ZFP69: variants seen among roughly 807,000 people sequenced by gnomAD.
The protein encoded by ZFP69 is ZFP69 zinc finger protein.
ZFP69 carries 35 observed loss-of-function variants against 48.9 expected under a neutral mutation model. The ratio of observed to expected loss-of-function variants is 0.72; its 90% CI spans 0.55 to 0.95. The LOEUF (loss-of-function observed/expected upper bound fraction) is 0.95, where lower values mean the gene tolerates loss of function less well. ZFP69 is among the 40% of genes least tolerant of loss of function. The pLI is 0.00. For synonymous variants in ZFP69, 193 were observed against 216.8 expected (o/e 0.89, Z 0.96); for missense variants, 557 against 638.4 (o/e 0.87, Z 1.37).
intron 5 of ZFP69, among the ~76,000 whole-genome samples, chr1:40,493,898 T>G (rs1254584676): frequency 6.6e-6 from 1 of 152,198 alleles, no homozygotes; most frequent in African/African-American, 2.4e-5. Context: ...AAAGGGTATT[T>G]TCCTAGAACC....
At chr1:40,488,521 CT>C (rs1312538355) in intron 3 of ZFP69, among the ~76,000 whole-genome samples, 1 of 152,322 alleles carries the variant, frequency 6.6e-6, no homozygotes, top group East Asian at 1.9e-4. Flanking sequence ...GGGGGAACCC[CT>C]ATCCCACCCT....
intron 3 of ZFP69, among the ~76,000 whole-genome samples, chr1:40,484,909 T>TTTTTTG (rs1645480184): frequency 7.7e-6 from 1 of 130,092 alleles, no homozygotes; most frequent in Admixed American, 8.0e-5. Flanking sequence ...TTTTTTTTTT[T>TTTTTTG]GATATGGAGT....
rs1645423305 is a variant in ZFP69, at chr1:40,479,483, GAGA to G, written c.125_127del (p.Glu42del). On this transcript the variant is annotated inframe_deletion and splice_region_variant, in exon 2 of 6. Transcript: ENST00000372706. Reference sequence around the variant, plus strand: ...GAGGATGTGACTAAAATGTTTGAAGGAGAAGGTGAGAATGGACTGATGGAGGGG... The same window carrying G: ...GAGGATGTGACTAAAATGTTTGAAGGAGGTGAGAATGGACTGATGGAGGGG... 1 of 1,612,580 alleles carries G rather than the reference GAGA, an allele frequency of 6.2e-7. No individual in the cohort carries two copies. The highest frequency in any genetic ancestry group is 1.1e-5 in the South Asian group (1 of 90,910).
intron 5 of ZFP69, among the ~76,000 whole-genome samples, chr1:40,492,827 AGATT>A (rs1464177020): frequency 1.3e-5 from 2 of 152,146 alleles, no homozygotes; most frequent in Admixed American, 6.5e-5. Flanking sequence ...ATTTTTTGTT[AGATT>A]GATTCTGAAA....
intron 3 of ZFP69, among the ~76,000 whole-genome samples, chr1:40,483,370 C>T (rs1430037550): frequency 1.3e-5 from 2 of 151,736 alleles, no homozygotes; most frequent in Non-Finnish European, 2.9e-5. Flanking sequence ...GCTAGGACTA[C>T]AGGAACATGC....
At chr1:40,488,979 C>T in intron 3 of ZFP69, 109 bp from the exon 4 acceptor site, 2 of 1,375,530 alleles carry the variant, frequency 1.5e-6, no homozygotes, top group South Asian at 1.2e-5. Flanking sequence ...AGAGAAGGCT[C>T]CTGATAAAAG....
intron 3 of ZFP69, among the ~76,000 whole-genome samples, chr1:40,484,353 C>T (rs1470223254): frequency 6.6e-6 from 1 of 151,926 alleles, no homozygotes; most frequent in Non-Finnish European, 1.5e-5. Context: ...GTGCCTGCCA[C>T]CACACCTGGC....
At chr1:40,481,650 C>G (rs535624080) in intron 2 of ZFP69, 113 bp from the exon 3 acceptor site, 1 of 745,118 alleles carries the variant, frequency 1.3e-6, no homozygotes, top group Non-Finnish European at 2.2e-6. Context: ...CTCTCAGTGT[C>G]CCTCTTTGTG....
At chr1:40,480,466 T>G (rs572665456) in intron 2 of ZFP69, among the ~76,000 whole-genome samples, 6 of 147,368 alleles carry the variant, frequency 4.1e-5, no homozygotes, top group Admixed American at 1.4e-4. Flanking sequence ...TTGATAGCAG[T>G]TTTTTTTTTA....
chr1:40,482,807 T>C (rs7547819), intron 3 of ZFP69, among the ~76,000 whole-genome samples: 57,775 of 151,966 alleles, frequency 0.38, 11,527 homozygotes, highest in South Asian at 0.52. Context: ...TAAGTGTTTA[T>C]ACATGTGATG....
intron 5 of ZFP69, chr1:40,493,435 CAA>C (rs1009869692): frequency 1.3e-5 from 2 of 152,066 alleles, no homozygotes; most frequent in Admixed American, 6.6e-5. Context: ...GATGAAATCT[CAA>C]AGAGTTCCAT....
intron 5 of ZFP69, chr1:40,490,921 C>T (rs1557552667): frequency 6.6e-6 from 1 of 152,304 alleles, no homozygotes; most frequent in East Asian, 1.9e-4. Flanking sequence ...AACATTATAA[C>T]ACATTTCTGT....
intron 5 of ZFP69, among the ~76,000 whole-genome samples, chr1:40,494,256 A>T (rs142381528): frequency 0.13 from 7,015 of 52,508 alleles, 757 homozygotes; most frequent in Middle Eastern, 0.27. Flanking sequence ...AAGATTCAAA[A>T]TTTTTTTTTT....
At chr1:40,493,453 A>T (rs1645589846) in intron 5 of ZFP69, 1 of 152,148 alleles carries the variant, frequency 6.6e-6, no homozygotes, top group Admixed American at 6.5e-5. Flanking sequence ...TCCATTGATG[A>T]TCCCGTTCCT....
intron 3 of ZFP69, among the ~76,000 whole-genome samples, chr1:40,486,361 T>G (rs1361372812): frequency 6.6e-6 from 1 of 151,994 alleles, no homozygotes. Context: ...TCTTCTGAGA[T>G]TGCTCTTTCT....
intron 3 of ZFP69, among the ~76,000 whole-genome samples, chr1:40,485,450 G>A (rs1645487112): frequency 1.3e-5 from 2 of 151,874 alleles, no homozygotes; most frequent in South Asian, 4.2e-4. Flanking sequence ...TGTTTTACAT[G>A]TAAAAACACC....
In ZFP69 at chr1:40,485,644, A is replaced by G. The variant is rs190884093; in HGVS notation, c.220-3444A>G. On this transcript the variant is annotated intron_variant, in intron 3 of 5. Transcript: ENST00000372706. ...CCCTTCAGCTTAAAGAACTTTGTTTAGCATTTCTTATAATGTGGGTGTTCT... is the reference window on the plus strand; with the variant it reads ...CCCTTCAGCTTAAAGAACTTTGTTTGGCATTTCTTATAATGTGGGTGTTCT... Among the ~76,000 whole-genome samples the G allele has an allele frequency of 3.2e-3, 481 of 152,212 alleles. 3 individuals are homozygous for G. The highest frequency in any genetic ancestry group is 3.6e-3 in the Non-Finnish European group (247 of 68,016).
Position 40,479,384 on chromosome 1 carries a change from C to T in ZFP69, c.23C>T (p.Thr8Ile), listed in dbSNP as rs1356522109. The change falls in exon 2 of 6, where the codon ACC becomes ATC. Residue 8 changes from threonine to isoleucine, a missense_variant. By Grantham distance (89) the Thr-to-Ile change is moderately conservative. Transcript: ENST00000372706. MPQQLLI[T>I]LPTEASTWVK... ...ATCATGCCACAGCAGCTCCTGATCA[C>T]CCTGCCTACCGAGGCCAGCACCTGG... 1.2e-6 allele frequency: 2 copies of T among 1,613,912 alleles called. No individual in the cohort carries two copies. The highest frequency in any genetic ancestry group is 2.7e-5 in the African/African-American group (2 of 74,928).
intron 5 of ZFP69, chr1:40,493,310 T>C (rs1645588400): frequency 6.6e-6 from 1 of 152,180 alleles, no homozygotes; most frequent in African/African-American, 2.4e-5. Flanking sequence ...CCACCTTGTT[T>C]TACTCTTATT....
Sources: gnomAD v4.1 joint callset for allele counts (sites outside exome capture counted in the v4.1 genomes callset) on GRCh38, gnomAD v4.1.1 for gene constraint, MANE v1.5 for transcripts, NCBI Gene and HGNC (gene_info 2026-07-23, HGNC 2026-07-21) for gene names.